Variants in CRB1 observed in about 807,000 individuals in gnomAD.
CRB1 encodes protein crumbs homolog 1.
In CRB1, 83 loss-of-function variants were observed where a neutral mutation model predicts 120.0. That is an observed-to-expected ratio of 0.69 (90% CI 0.58 to 0.83). The LOEUF (loss-of-function observed/expected upper bound fraction) is 0.83. Among genes scored for constraint, CRB1 ranks in the 40% least tolerant of loss-of-function variants. CRB1 has a pLI of 0.00. For synonymous variants in CRB1, 625 were observed against 612.5 expected (o/e 1.02, Z -0.30); for missense variants, 1,699 against 1,687.6 (o/e 1.01, Z -0.12).
chr1:197,343,128 T>C (rs1261199496), intron 2 of CRB1, among the ~76,000 whole-genome samples: 1 of 152,194 alleles, frequency 6.6e-6, no homozygotes, highest in African/African-American at 2.4e-5. Flanking sequence ...CTAGTAACAG[T>C]TGTAAATAAT....
the CRB1 span, among the ~76,000 whole-genome samples, chr1:197,233,463 TC>T: frequency 1.3e-5 from 2 of 152,218 alleles, no homozygotes; most frequent in African/African-American, 2.4e-5. Flanking sequence ...ATGTAAATGA[TC>T]GTCCTTATCT....
chr1:197,418,428 T>C (rs1443128516), intron 5 of CRB1, among the ~76,000 whole-genome samples: 1 of 152,210 alleles, frequency 6.6e-6, no homozygotes, highest in Non-Finnish European at 1.5e-5. Context: ...TTCATACCCT[T>C]AGCACTGTAC....
At chr1:197,408,168 TA>T (rs1221579299) in intron 5 of CRB1, among the ~76,000 whole-genome samples, 1 of 152,096 alleles carries the variant, frequency 6.6e-6, no homozygotes, top group Admixed American at 6.5e-5. Flanking sequence ...TCCATATGGA[TA>T]AGCTCAGATG....
intron 1 of CRB1, among the ~76,000 whole-genome samples, chr1:197,276,247 C>G (rs1056997710): frequency 2.9e-4 from 44 of 151,748 alleles, no homozygotes; most frequent in African/African-American, 9.7e-4. Flanking sequence ...ATTAGCATGA[C>G]TATTTGGAGT....
chr1:197,257,256 G>T, the CRB1 span, among the ~76,000 whole-genome samples: 3 of 152,108 alleles, frequency 2.0e-5, no homozygotes, highest in Non-Finnish European at 2.9e-5. Context: ...CCACCTTTTT[G>T]TTCTGTTTGG....
At chr1:197,378,212 T>C (rs1396066792) in intron 5 of CRB1, among the ~76,000 whole-genome samples, 1 of 152,196 alleles carries the variant, frequency 6.6e-6, no homozygotes, top group African/African-American at 2.4e-5. Context: ...AACCATCAAT[T>C]CTTCAAGTAT....
upstream of CRB1, among the ~76,000 whole-genome samples, chr1:197,264,468 C>A (rs1421424592): frequency 1.3e-5 from 2 of 151,930 alleles, no homozygotes; most frequent in African/African-American, 4.8e-5. Flanking sequence ...ACAATGATTC[C>A]TTTTCTTTTG....
intron 5 of CRB1, among the ~76,000 whole-genome samples, chr1:197,398,892 T>TTTTG (rs1553257311): frequency 2.2e-5 from 3 of 136,394 alleles, no homozygotes; most frequent in Admixed American, 7.3e-5. Context: ...CAGGAAATGA[T>TTTTG]TGTGTGTGTG....
At chr1:197,425,337 G>C (rs1042793063) in intron 6 of CRB1, among the ~76,000 whole-genome samples, 25 of 152,182 alleles carry the variant, frequency 1.6e-4, no homozygotes, top group African/African-American at 6.0e-4. Flanking sequence ...ATTAAATCAA[G>C]TCAGAGTTCT....
intron 2 of CRB1, among the ~76,000 whole-genome samples, chr1:197,334,473 T>C (rs547682890): frequency 1.3e-5 from 2 of 152,238 alleles, no homozygotes; most frequent in Non-Finnish European, 1.5e-5. Context: ...ATTAATACCA[T>C]AATAAAAAGG....
chr1:197,308,548 G>T (rs896354907), intron 1 of CRB1, among the ~76,000 whole-genome samples: 2 of 152,070 alleles, frequency 1.3e-5, no homozygotes, highest in Non-Finnish European at 2.9e-5. Flanking sequence ...TTTAAAAAGT[G>T]CTAGTAAACA....
chr1:197,226,040 A>G, the CRB1 span, among the ~76,000 whole-genome samples: 6 of 152,102 alleles, frequency 3.9e-5, no homozygotes, highest in African/African-American at 7.2e-5. Context: ...AGCTGGGACC[A>G]CAGGAGCACA....
At chr1:197,462,611 A>G (rs1203014234) in intron 11 of CRB1, among the ~76,000 whole-genome samples, 1 of 152,192 alleles carries the variant, frequency 6.6e-6, no homozygotes, top group Non-Finnish European at 1.5e-5. Flanking sequence ...GGGACAAGGT[A>G]TAAATGCTAC....
At chr1:197,221,522 T>A in the CRB1 span, among the ~76,000 whole-genome samples, 5 of 152,172 alleles carry the variant, frequency 3.3e-5, no homozygotes, top group Non-Finnish European at 7.3e-5. Flanking sequence ...TTACTAGCAG[T>A]CATAAACATT....
chr1:197,414,029 A>G (rs1663845653), intron 5 of CRB1: 1 of 442,854 alleles, frequency 2.3e-6, no homozygotes, highest in African/African-American at 2.0e-5. Context: ...ATATACGCTA[A>G]TTTGCAACAT....
At chr1:197,288,119 C>T (rs558641150) in intron 1 of CRB1, among the ~76,000 whole-genome samples, 178 of 151,954 alleles carry the variant, frequency 1.2e-3, no homozygotes, top group Middle Eastern at 3.4e-3. Context: ...GAGGGGAGAG[C>T]TGCACAGAGA....
At chr1:197,341,318 G>A (rs571962022) in intron 2 of CRB1, among the ~76,000 whole-genome samples, 97 of 152,214 alleles carry the variant, frequency 6.4e-4, no homozygotes, top group East Asian at 2.5e-3. Context: ...TGAGGCAGGC[G>A]GATCACTTGA....
At chr1:197,370,098 G>A (rs1240687521) in intron 5 of CRB1, among the ~76,000 whole-genome samples, 1 of 152,012 alleles carries the variant, frequency 6.6e-6, no homozygotes, top group Non-Finnish European at 1.5e-5. Flanking sequence ...AACAAACGCT[G>A]AGAGATTTCT....
chr1:197,416,472 C>T (rs909875594), intron 5 of CRB1, among the ~76,000 whole-genome samples: 2 of 152,014 alleles, frequency 1.3e-5, no homozygotes, highest in East Asian at 1.9e-4. Context: ...TACATTCAGG[C>T]TAGGTCTACG....
Sources: allele counts gnomAD v4.1 joint callset (sites outside exome capture counted in the v4.1 genomes callset), GRCh38; gene constraint gnomAD v4.1.1; transcripts MANE v1.5; gene names NCBI Gene and HGNC (gene_info 2026-07-23, HGNC 2026-07-21).